LUZP2: variants seen among roughly 807,000 people sequenced by gnomAD.
LUZP2 encodes the protein leucine zipper protein 2.
LUZP2 carries 52 observed loss-of-function variants against 51.6 expected under a neutral mutation model. That is an observed-to-expected ratio of 1.01 (90% CI 0.81 to 1.27). The LOEUF (loss-of-function observed/expected upper bound fraction) is 1.27, where lower values mean the gene tolerates loss of function less well. Ranked by LOEUF, LUZP2 falls within the 50% of genes most tolerant of loss-of-function variation. The pLI, the probability that LUZP2 is intolerant of heterozygous loss-of-function variation, is 0.00. For missense variants in LUZP2, 436 were observed against 395.4 expected, an observed-to-expected ratio of 1.10 and a Z score of -0.87; for synonymous variants, 154 against 137.3, an observed-to-expected ratio of 1.12 and a Z score of -0.85.
chr11:24,823,389 G>GAAAAAAAAAAAAAAAAAAAAAAA (rs58275746), intron 5 of LUZP2, among the ~76,000 whole-genome samples: 1 of 92,756 alleles, frequency 1.1e-5, no homozygotes, highest in Non-Finnish European at 2.5e-5. Context: ...AATGAATTCA[G>GAAAAAAAAAAAAAAAAAAAAAAA]AAAAAAAAAA....
intron 1 of LUZP2, among the ~76,000 whole-genome samples, chr11:24,541,165 A>G (rs1306506134): frequency 1.3e-5 from 2 of 149,490 alleles, no homozygotes; most frequent in Non-Finnish European, 3.0e-5. Flanking sequence ...AGGCAGGAGA[A>G]TTGCTTGAAC....
chr11:24,909,063 G>A (rs540724305), intron 6 of LUZP2, among the ~76,000 whole-genome samples: 9 of 151,624 alleles, frequency 5.9e-5, no homozygotes, highest in African/African-American at 2.2e-4. Context: ...ACCCAGCCAG[G>A]ATTTTGCTTT....
intron 1 of LUZP2, among the ~76,000 whole-genome samples, chr11:24,720,210 G>A (rs1478701982): frequency 6.6e-6 from 1 of 151,464 alleles, no homozygotes; most frequent in Non-Finnish European, 1.5e-5. Flanking sequence ...AGGGAAGAAA[G>A]GTTACCAGTC....
intron 5 of LUZP2, among the ~76,000 whole-genome samples, chr11:24,861,018 A>C (rs985390574): frequency 6.6e-6 from 1 of 152,152 alleles, no homozygotes; most frequent in Non-Finnish European, 1.5e-5. Flanking sequence ...GCTGAGCTGA[A>C]GGAGCATGTT....
At chr11:24,898,520 G>T (rs111820496) in intron 5 of LUZP2, among the ~76,000 whole-genome samples, 28 of 152,232 alleles carry the variant, frequency 1.8e-4, no homozygotes, top group African/African-American at 6.5e-4. Context: ...CTACGCGGGA[G>T]CCTGAGGCAG....
At chr11:25,052,682 C>T (rs527716341) in intron 10 of LUZP2, among the ~76,000 whole-genome samples, 170 of 152,160 alleles carry the variant, frequency 1.1e-3, no homozygotes, top group South Asian at 2.5e-3. Context: ...ATACTGACTA[C>T]CAGTCTAGAG....
At chr11:24,752,590 C>T (rs891633050) in intron 4 of LUZP2, among the ~76,000 whole-genome samples, 1 of 152,034 alleles carries the variant, frequency 6.6e-6, no homozygotes, top group East Asian at 1.9e-4. Flanking sequence ...GGCAGTGCAA[C>T]AAGGGGACAT....
In LUZP2 at chr11:24,855,487, G is replaced by A. The variant is rs187167663; in HGVS notation, c.397-50504G>A. 6.3e-3 allele frequency among the ~76,000 whole-genome samples: 955 copies of A among 152,282 alleles called. 3 individuals are homozygous for A. The highest frequency in any genetic ancestry group is 8.8e-3 in the Non-Finnish European group (600 of 68,004). On this transcript the variant is annotated intron_variant, in intron 5 of 11. Transcript: ENST00000336930. ...GTAGATTATGCAAACTAATGGAAAA[G>A]TATTTCAACCTCATGGACAGGAAGA...
chr11:24,946,658 T>G (rs916155036), intron 7 of LUZP2, among the ~76,000 whole-genome samples: 1 of 151,898 alleles, frequency 6.6e-6, no homozygotes, highest in Non-Finnish European at 1.5e-5. Context: ...TTTTTACATA[T>G]CATGACCACG....
At chr11:24,966,941 C>A (rs1855602589) in intron 7 of LUZP2, among the ~76,000 whole-genome samples, 1 of 148,960 alleles carries the variant, frequency 6.7e-6, no homozygotes. Flanking sequence ...CAATTGCTTT[C>A]TCACTATTTA....
At chr11:24,905,621 G>A (rs1853424752) in intron 5 of LUZP2, among the ~76,000 whole-genome samples, 3 of 152,158 alleles carry the variant, frequency 2.0e-5, no homozygotes, top group Admixed American at 1.3e-4. Flanking sequence ...TTGCCCAACA[G>A]CTATAGCATA....
chr11:24,707,999 G>A lies in LUZP2; in HGVS notation c.63-21170G>A, dbSNP rs112356553. On this transcript the variant is annotated intron_variant, in intron 1 of 11. Transcript: ENST00000336930. Reference sequence around the variant, plus strand: ...ACACAGGCTAAACTAATTCTGACTGGCTAATTTAAAGAGAATGACAGGGTG... The same window carrying A: ...ACACAGGCTAAACTAATTCTGACTGACTAATTTAAAGAGAATGACAGGGTG... Among the ~76,000 whole-genome samples, 1,067 of 152,114 alleles carry A rather than the reference G, an allele frequency of 7.0e-3. 18 individuals carry two copies. The highest frequency in any genetic ancestry group is 0.023 in the African/African-American group (952 of 41,500).
chr11:24,828,146 G>T lies in LUZP2; in HGVS notation c.396+64838G>T, dbSNP rs142186784. 2.6e-4 allele frequency among the ~76,000 whole-genome samples: 40 copies of T among 152,142 alleles called. No homozygotes were observed. In the East Asian group the frequency reaches 6.4e-3, roughly 24 times the overall value. ...AAGATAGGTAAGTGAGCAATATTCTGGTGACTTCTTTTGAAGACATCAAAG... is the reference window on the plus strand; with the variant it reads ...AAGATAGGTAAGTGAGCAATATTCTTGTGACTTCTTTTGAAGACATCAAAG... On this transcript the variant is annotated intron_variant, in intron 5 of 11. Transcript: ENST00000336930.
At chr11:24,662,655 A>C (rs542087934) in intron 1 of LUZP2, among the ~76,000 whole-genome samples, 1 of 152,260 alleles carries the variant, frequency 6.6e-6, no homozygotes, top group South Asian at 2.1e-4. Context: ...TAAATTAAGA[A>C]TTCATACACA....
chr11:25,026,730 A>C (rs1453518224), intron 9 of LUZP2, among the ~76,000 whole-genome samples: 2 of 152,066 alleles, frequency 1.3e-5, no homozygotes, highest in African/African-American at 2.4e-5. Context: ...CAGTGAACTT[A>C]TATTTTTCTG....
chr11:25,023,895 A>G (rs11028356), intron 9 of LUZP2, among the ~76,000 whole-genome samples: 57,183 of 151,954 alleles, frequency 0.38, 13,253 homozygotes, highest in East Asian at 0.77. Context: ...TTATGTACCC[A>G]TTAGTCATTC....
intron 9 of LUZP2, among the ~76,000 whole-genome samples, chr11:24,998,161 T>G (rs1395987931): frequency 1.3e-5 from 2 of 152,148 alleles, no homozygotes; most frequent in South Asian, 2.1e-4. Context: ...GTGAAGAAAG[T>G]CATTGGTAAC....
chr11:24,779,224 T>C (rs1849022671), intron 5 of LUZP2, among the ~76,000 whole-genome samples: 2 of 152,196 alleles, frequency 1.3e-5, no homozygotes, highest in Admixed American at 1.3e-4. Flanking sequence ...CTAGCAAATA[T>C]GCACATTCAC....
intron 5 of LUZP2, among the ~76,000 whole-genome samples, chr11:24,831,494 A>G (rs903322103): frequency 1.2e-4 from 18 of 152,240 alleles, no homozygotes; most frequent in Non-Finnish European, 2.9e-5. Flanking sequence ...TACAGGCAGT[A>G]TAGTACAAAT....
Sources: allele counts gnomAD v4.1 joint callset (sites outside exome capture counted in the v4.1 genomes callset), GRCh38; gene constraint gnomAD v4.1.1; transcripts MANE v1.5; gene names NCBI Gene and HGNC (gene_info 2026-07-23, HGNC 2026-07-21).